Variants in HERPUD2 observed in about 807,000 individuals in gnomAD.
The protein encoded by HERPUD2 is homocysteine-responsive endoplasmic reticulum-resident ubiquitin-like domain member 2 protein.
A neutral mutation model predicts 49.9 loss-of-function variants in HERPUD2; 13 were observed. The observed-to-expected ratio is 0.26, with a 90% CI of 0.17 to 0.41. The LOEUF is 0.41. Ranked by LOEUF, HERPUD2 falls within the 10% of genes least tolerant of loss-of-function variation. The probability of loss-of-function intolerance (pLI) is 1.00; values close to 1 mark genes in which losing one functional copy is unlikely to be tolerated. For missense variants in HERPUD2, 449 were observed against 492.2 expected, an observed-to-expected ratio of 0.91 and a Z score of 0.83; for synonymous variants, 172 against 171.4, an observed-to-expected ratio of 1.00 and a Z score of -0.03.
chr7:35,691,702 G>A (rs77971934), intron 2 of HERPUD2, among the ~76,000 whole-genome samples: 1 of 152,210 alleles, frequency 6.6e-6, no homozygotes, highest in East Asian at 1.9e-4. Flanking sequence ...CATTGCAGGC[G>A]GTCAGAAAAA....
At position 35,673,188 on chromosome 7, in the gene HERPUD2, T is replaced by C. The variant is rs1304133009; in HGVS notation, c.225+13A>G. ...GAATGTATCTGGTATCAAATAGTGG[T>C]AGAAAAGCTTACTTTTCTGAGAATG... On this transcript the variant is annotated intron_variant, in intron 3 of 8. Transcript: ENST00000311350. The C allele has an allele frequency of 2.5e-6, 4 of 1,593,792 alleles. No homozygotes were observed. Among genetic ancestry groups the C allele is most frequent in the Non-Finnish European group, 3.4e-6 (4 of 1,163,442 alleles).
At chr7:35,691,377 T>C (rs1432251879) in intron 2 of HERPUD2, among the ~76,000 whole-genome samples, 1 of 136,750 alleles carries the variant, frequency 7.3e-6, no homozygotes, top group African/African-American at 2.6e-5. Context: ...TGTAGGATCC[T>C]AAAAGGACAA....
In HERPUD2 at chr7:35,694,877, G is replaced by T. The variant is rs866325347; in HGVS notation, c.-374C>A. ...GCCGCCAGCCACACCGTCCGGCCAG[G>T]CGTTTTCCGTGGCAGCCGCTCCCTT... On this transcript the variant is annotated 5_prime_UTR_variant, in exon 1 of 9. Transcript: ENST00000311350. 2.0e-5 allele frequency: 3 copies of T among 152,940 alleles called. No individual in the cohort carries two copies. The highest frequency in any genetic ancestry group is 7.2e-5 in the African/African-American group (3 of 41,594). The allele number at this position is 152,940 out of a possible 1,614,324, so 9.5% of individuals were successfully genotyped here.
intron 5 of HERPUD2, among the ~76,000 whole-genome samples, chr7:35,662,089 T>C (rs1171811838): frequency 1.3e-5 from 2 of 152,248 alleles, no homozygotes; most frequent in Non-Finnish European, 2.9e-5. Flanking sequence ...CATGAAGAGC[T>C]GTTGAATTTT....
chr7:35,674,502 G>A (rs1347645784), intron 2 of HERPUD2, among the ~76,000 whole-genome samples: 6 of 143,898 alleles, frequency 4.2e-5, no homozygotes, highest in Non-Finnish European at 9.1e-5. Flanking sequence ...AAATGTATTT[G>A]GTTTTCATGC....
chr7:35,646,484 A>G (rs1281808947), intron 5 of HERPUD2, among the ~76,000 whole-genome samples: 1 of 152,056 alleles, frequency 6.6e-6, no homozygotes, highest in Non-Finnish European at 1.5e-5. Flanking sequence ...ATCAGTTGAA[A>G]CCAGAAGTTC....
Position 35,667,516 on chromosome 7 carries a change from A to G in HERPUD2, c.412T>C (p.Ser138Pro). The stretch of plus-strand genomic sequence containing the variant: ...AGGGTACGCTGCCTCAATCCTTCTG[A>G]GGAAGAACCCACAGCTAAAGACAAG... ...ETLSLAVGSSSEGLRQRTLPQ... is the reference protein window; with the variant it reads ...ETLSLAVGSSPEGLRQRTLPQ... The change falls in exon 5 of 9, where the codon TCA (serine) becomes CCA (proline). Residue 138 changes from serine (S) to proline (P), a missense_variant. Physicochemically the swap from Ser to Pro is moderately conservative, Grantham distance 74 (BLOSUM62 -1). Coordinates refer to ENST00000311350, the MANE Select transcript of HERPUD2 (RefSeq NM_022373.5). 1.3e-5 allele frequency: 21 copies of G among 1,613,936 alleles called. No individual in the cohort carries two copies. Among genetic ancestry groups the G allele is most frequent in the Non-Finnish European group, 1.8e-5 (21 of 1,179,858 alleles).
In HERPUD2 at chr7:35,635,291, T is replaced by A. The variant is rs1316753202; in HGVS notation, c.785A>T (p.Gln262Leu). The change falls in exon 7 of 9, where the codon CAG becomes CTG. Residue 262 changes from glutamine to leucine, a missense_variant. By Grantham distance (113) the Gln-to-Leu change is moderately radical (BLOSUM62 -2). Coordinates refer to ENST00000311350, the MANE Select transcript of HERPUD2 (RefSeq NM_022373.5). ...PMNENVQMNA[Q>L]GGPVLNEEDF... The stretch of plus-strand genomic sequence containing the variant: ...TTCTTCATTTAGTACTGGACCTCCC[T>A]GTGCATTCATTTGAACATTCTCATT... 1 of 1,614,084 alleles carries A rather than the reference T, an allele frequency of 6.2e-7. No homozygotes were observed. Among genetic ancestry groups the A allele is most frequent in the Non-Finnish European group, 8.5e-7 (1 of 1,180,032 alleles).
chr7:35,637,689 C>A (rs1337344359), intron 6 of HERPUD2, among the ~76,000 whole-genome samples: 1 of 152,056 alleles, frequency 6.6e-6, no homozygotes, highest in African/African-American at 2.4e-5. Flanking sequence ...TCCTCTCTAC[C>A]GACTATGAGT....
chr7:35,676,751 C>G (rs1369435658), intron 2 of HERPUD2, among the ~76,000 whole-genome samples: 1 of 152,170 alleles, frequency 6.6e-6, no homozygotes, highest in Non-Finnish European at 1.5e-5. Flanking sequence ...TGTATCTTCT[C>G]TCACCCTGAA....
chr7:35,663,756 A>ATCT (rs1448769991), intron 5 of HERPUD2, among the ~76,000 whole-genome samples: 1 of 151,894 alleles, frequency 6.6e-6, no homozygotes, highest in African/African-American at 2.4e-5. Flanking sequence ...TGCTTGGTAG[A>ATCT]TCTTCCTCCA....
At position 35,686,546 on chromosome 7, in the gene HERPUD2, C is replaced by T. The variant is rs1333391269; in HGVS notation, c.147+7638G>A. On this transcript the variant is annotated intron_variant, in intron 2 of 8. Coordinates refer to ENST00000311350, the MANE Select transcript of HERPUD2 (RefSeq NM_022373.5). ...CCACCCGGCTAAAACGGTGAAACCC[C>T]GTCTCTACTAAAAATACAAAAAATT... Among the ~76,000 whole-genome samples, 4 of 146,152 alleles carry T rather than the reference C, an allele frequency of 2.7e-5. No homozygotes were observed. The East Asian group carries it at 6.3e-4, about 23-fold the overall frequency.
intron 2 of HERPUD2, among the ~76,000 whole-genome samples, chr7:35,693,504 A>C (rs1433662572): frequency 1.3e-5 from 2 of 151,942 alleles, no homozygotes; most frequent in African/African-American, 2.4e-5. Flanking sequence ...GTAAAATGGA[A>C]TTTTAGTGTA....
At chr7:35,639,195 AT>A (rs1383349798) in intron 5 of HERPUD2, among the ~76,000 whole-genome samples, 7 of 148,750 alleles carry the variant, frequency 4.7e-5, no homozygotes, top group African/African-American at 7.4e-5. Flanking sequence ...CACCTGGCTA[AT>A]TTTTTTTTTG....
intron 2 of HERPUD2, among the ~76,000 whole-genome samples, chr7:35,681,618 A>T (rs936707534): frequency 6.6e-6 from 1 of 152,220 alleles, no homozygotes; most frequent in Non-Finnish European, 1.5e-5. Flanking sequence ...TATGGTGTAT[A>T]TAAATATATG....
intron 6 of HERPUD2, among the ~76,000 whole-genome samples, chr7:35,637,286 C>CT (rs1284329405): frequency 6.6e-6 from 1 of 152,046 alleles, no homozygotes; most frequent in Non-Finnish European, 1.5e-5. Context: ...GTCAAGTGGA[C>CT]TTAGAATGAG....
intron 2 of HERPUD2, among the ~76,000 whole-genome samples, chr7:35,686,342 C>A (rs1269897369): frequency 6.6e-6 from 1 of 150,680 alleles, no homozygotes; most frequent in African/African-American, 2.4e-5. Context: ...TGCCTGCCAC[C>A]ACGCCCGGCT....
rs76373404 is a variant in HERPUD2, at chr7:35,645,786, G to A, written c.495-7314C>T. On this transcript the variant is annotated intron_variant, in intron 5 of 8. Transcript: ENST00000311350. ...AATAAACACACATATACACATGCACGCACATACACACATACTTGTGTAAGC... is the reference window on the plus strand; with the variant it reads ...AATAAACACACATATACACATGCACACACATACACACATACTTGTGTAAGC... 2.0e-4 allele frequency among the ~76,000 whole-genome samples: 30 copies of A among 152,224 alleles called. No individual in the cohort carries two copies. In the East Asian group the frequency reaches 4.6e-3, roughly 23 times the overall value.
chr7:35,646,204 A>G (rs1271822093), intron 5 of HERPUD2, among the ~76,000 whole-genome samples: 4 of 152,230 alleles, frequency 2.6e-5, no homozygotes, highest in Non-Finnish European at 5.9e-5. Context: ...ACATTAAATG[A>G]AAACATGTAA....
Sources: allele counts gnomAD v4.1 joint callset (sites outside exome capture counted in the v4.1 genomes callset), GRCh38; gene constraint gnomAD v4.1.1; transcripts MANE v1.5; gene names NCBI Gene and HGNC (gene_info 2026-07-23, HGNC 2026-07-21).